CEP76: variants seen among roughly 807,000 people sequenced by gnomAD.
The protein encoded by CEP76 is centrosomal protein 76.
CEP76 carries 55 observed loss-of-function variants against 83.3 expected under a neutral mutation model. The ratio of observed to expected loss-of-function variants is 0.66; its 90% confidence interval spans 0.53 to 0.83. The LOEUF (loss-of-function observed/expected upper bound fraction) is 0.83. Ranked by LOEUF, CEP76 falls within the 40% of genes least tolerant of loss-of-function variation. The pLI, the probability that CEP76 is intolerant of heterozygous loss-of-function variation, is 0.00. For synonymous variants in CEP76, 270 were observed against 274.5 expected (o/e 0.98, Z 0.16); for missense variants, 694 against 799.5 (o/e 0.87, Z 1.59).
Position 12,673,102 on chromosome 18 carries a change from T to C in CEP76, c.*263A>G. On this transcript the variant is annotated 3_prime_UTR_variant, in exon 12 of 12. Transcript: ENST00000262127. ...TTAATATTTAAACTACTGATAACTG[T>C]AAACAAAGTAGCATTTATTAAAATA... is the stretch of plus-strand genomic sequence containing the variant. The C allele has an allele frequency of 1.9e-6, 2 of 1,033,216 alleles. No homozygotes were observed. Among genetic ancestry groups the C allele is most frequent in the Non-Finnish European group, 2.4e-6 (2 of 841,196 alleles). The allele number at this position is 1,033,216 out of a possible 1,614,324, so 64.0% of individuals were successfully genotyped here.
chr18:12,696,234 G>A (rs747830916), intron 5 of CEP76, among the ~76,000 whole-genome samples: 21 of 152,166 alleles, frequency 1.4e-4, no homozygotes, highest in Non-Finnish European at 1.9e-4. Context: ...GGCTGGGCGC[G>A]GTGACTCACG....
At chr18:12,692,003 GC>G (rs1598650109) in intron 6 of CEP76, among the ~76,000 whole-genome samples, 1 of 151,942 alleles carries the variant, frequency 6.6e-6, no homozygotes, top group Non-Finnish European at 1.5e-5. Flanking sequence ...ACCGCGCCTG[GC>G]CCAGAAATTT....
chr18:12,681,770 T>A (rs752939737), intron 8 of CEP76, among the ~76,000 whole-genome samples: 1 of 152,180 alleles, frequency 6.6e-6, no homozygotes, highest in Non-Finnish European at 1.5e-5. Context: ...AATTTTCCAC[T>A]CTTTTTCCAG....
chr18:12,672,726 G>A lies in CEP76; in HGVS notation c.*639C>T, dbSNP rs1369252331. On this transcript the variant is annotated 3_prime_UTR_variant, in exon 12 of 12. Transcript: ENST00000262127. The stretch of plus-strand genomic sequence containing the variant: ...ATTCATTTTTACAACAAATCACAGT[G>A]ATAAATATTTCTAAATGATTCATGT... 12 of 969,110 alleles carry A rather than the reference G, an allele frequency of 1.2e-5. No homozygotes were observed. The highest frequency in any genetic ancestry group is 1.5e-5 in the Non-Finnish European group (12 of 815,034). The allele number at this position is 969,110 out of a possible 1,614,324, so 60.0% of individuals were successfully genotyped here.
chr18:12,668,179 C>A (rs377119094), downstream of CEP76, among the ~76,000 whole-genome samples: 6 of 152,018 alleles, frequency 3.9e-5, no homozygotes, highest in East Asian at 5.8e-4. Context: ...GCAGGAAAAT[C>A]ACCTGAACCT....
chr18:12,694,163 C>CTA (rs2039867880), intron 6 of CEP76, among the ~76,000 whole-genome samples: 1 of 152,020 alleles, frequency 6.6e-6, no homozygotes, highest in Non-Finnish European at 1.5e-5. Context: ...GTATATATAC[C>CTA]ACCCATGACA....
Position 12,678,212 on chromosome 18 carries a change from G to GA in CEP76, c.1519dup (p.Ser507PhefsTer14). 1 of 1,614,132 alleles carries GA rather than the reference G, an allele frequency of 6.2e-7. No individual in the cohort carries two copies. Among genetic ancestry groups the GA allele is most frequent in the Non-Finnish European group, 8.5e-7 (1 of 1,179,984 alleles). On this transcript the variant is annotated frameshift_variant, in exon 10 of 12. Transcript: ENST00000262127. LOFTEE classifies it high-confidence loss of function. ...ACACAGAGGTGGAAAGGGAGGAAGGGATGTTGTAGCTCCAGGAGCACACAC... is the reference window on the plus strand; with the variant it reads ...ACACAGAGGTGGAAAGGGAGGAAGGGAATGTTGTAGCTCCAGGAGCACACAC...
intron 6 of CEP76, among the ~76,000 whole-genome samples, chr18:12,694,940 C>G (rs1025530068): frequency 6.6e-6 from 1 of 151,674 alleles, no homozygotes; most frequent in Admixed American, 6.6e-5. Context: ...TGGTCACGAT[C>G]TCCTGACCTT....
At position 12,699,937 on chromosome 18, in the gene CEP76, A is replaced by G. The variant is rs775071625; in HGVS notation, c.220-32T>C. ...AGGCAGGAAAAAAAAATCAAAACAAATTAGAAAACAATTATAGGTTAAGGA... is the reference window on the plus strand; with the variant it reads ...AGGCAGGAAAAAAAAATCAAAACAAGTTAGAAAACAATTATAGGTTAAGGA... On this transcript the variant is annotated intron_variant, in intron 2 of 11. Coordinates refer to ENST00000262127, the MANE Select transcript of CEP76 (RefSeq NM_024899.4). The G allele has an allele frequency of 5.0e-6, 7 of 1,400,440 alleles. 1 individual carries two copies. In the South Asian group the frequency reaches 9.4e-5, roughly 19 times the overall value. 86.8% of individuals were successfully genotyped at this position (1,400,440 alleles called of 1,614,324 possible).
At position 12,663,780 on chromosome 18, in the gene CEP76, TAG is replaced by T. The variant is rs367757465; in HGVS notation, c.*1728-1613_*1728-1612del. 4.0e-3 allele frequency among the ~76,000 whole-genome samples: 613 copies of T among 152,282 alleles called. 9 individuals are homozygous for T. The highest frequency in any genetic ancestry group is 0.013 in the African/African-American group (521 of 41,550). On this transcript the variant is annotated intron_variant and NMD_transcript_variant, in intron 12 of 12. Coordinates refer to the CEP76 transcript ENST00000590143. ...TTTCCTGATTGATTGTGTGTATGTG[TAG>T]AGAGACAGAATCTCATTCTGCTGCC...
At chr18:12,670,852 T>G (rs2038924624), downstream of CEP76, 1 of 152,040 alleles carries the variant, frequency 6.6e-6, no homozygotes, top group South Asian at 2.1e-4. Flanking sequence ...TCTTGCTATG[T>G]TGCCCAGGCT....
rs116011755 is a variant in CEP76 at position 12,677,299 on chromosome 18, G to A, written c.1623+810C>T. Among the ~76,000 whole-genome samples, 1,401 of 151,910 alleles carry A rather than the reference G, an allele frequency of 9.2e-3. 28 individuals carry two copies. Among genetic ancestry groups the A allele is most frequent in the African/African-American group, 0.031 (1,294 of 41,434 alleles). On this transcript the variant is annotated intron_variant, in intron 10 of 11. Coordinates refer to ENST00000262127, the MANE Select transcript of CEP76 (RefSeq NM_024899.4). ...TACAAAAAATACAAAAACTGGCAGC[G>A]TGGTAGCACATGTCTATAATCCCAG...
intron 1 of CEP76, 74 bp from the exon 2 acceptor site, chr18:12,701,187 C>T: frequency 2.8e-6 from 3 of 1,074,736 alleles, no homozygotes; most frequent in Non-Finnish European, 4.1e-6. Flanking sequence ...TTTTAAGGTT[C>T]TCCAGCTAAC....
At chr18:12,691,222 C>G (rs2039749399) in intron 7 of CEP76, 137 bp downstream of exon 7, 3 of 566,324 alleles carry the variant, frequency 5.3e-6, no homozygotes, top group Admixed American at 3.8e-5. Flanking sequence ...GAGAATATTA[C>G]AAAATCAGCA....
chr18:12,678,695 G>A (rs568490029), intron 9 of CEP76, among the ~76,000 whole-genome samples: 1 of 152,162 alleles, frequency 6.6e-6, no homozygotes, highest in East Asian at 1.9e-4. Flanking sequence ...AAGGCCGGAT[G>A]CGGTAGTCCC....
At chr18:12,671,638 C>CTT (rs955356870), downstream of CEP76, among the ~76,000 whole-genome samples, 20 of 82,938 alleles carry the variant, frequency 2.4e-4, no homozygotes, top group Non-Finnish European at 2.7e-4. Context: ...AGGTTTCACA[C>CTT]TTTCTTTTTT....
chr18:12,701,641 C>T (rs1376120549), intron 1 of CEP76, among the ~76,000 whole-genome samples: 1 of 152,178 alleles, frequency 6.6e-6, no homozygotes. Flanking sequence ...TAAATGGTCG[C>T]TTTTATCACT....
At position 12,699,844 on chromosome 18, in the gene CEP76, G is replaced by A. The variant is rs544249290; in HGVS notation, c.281C>T (p.Ser94Leu). 70 of 1,567,690 alleles carry A rather than the reference G, an allele frequency of 4.5e-5. No homozygotes were observed. The highest frequency in any genetic ancestry group is 5.2e-5 in the Non-Finnish European group (60 of 1,152,716). The change falls in exon 3 of 12, where the codon TCG becomes TTG. Residue 94 changes from serine (S) to leucine (L), a missense_variant. By Grantham distance (145) the Ser-to-Leu change is moderately radical. Coordinates refer to ENST00000262127, the MANE Select transcript of CEP76 (RefSeq NM_024899.4). ...PKQPICFDRQ[S>L]TLKKTNIDPT... Reference sequence around the variant, plus strand: ...AATATACATACTTTTTTTTAATGTCGATTGTCTATCAAAACAAATAGGTTG... The same window carrying A: ...AATATACATACTTTTTTTTAATGTCAATTGTCTATCAAAACAAATAGGTTG...
chr18:12,671,642 C>CTTTTTTT (rs869130220), downstream of CEP76, among the ~76,000 whole-genome samples: 38 of 55,542 alleles, frequency 6.8e-4, 1 homozygote, highest in Non-Finnish European at 7.6e-4. Context: ...TTCACACTTT[C>CTTTTTTT]TTTTTTTTTT....
Sources: gnomAD v4.1 joint callset for allele counts (sites outside exome capture counted in the v4.1 genomes callset) on GRCh38, gnomAD v4.1.1 for gene constraint, MANE v1.5 for transcripts, NCBI Gene and HGNC (gene_info 2026-07-23, HGNC 2026-07-21) for gene names.